NUDCD1: variants seen among roughly 807,000 people sequenced by gnomAD.
NUDCD1 encodes the protein NudC domain containing 1.
A neutral mutation model predicts 67.8 loss-of-function variants in NUDCD1; 60 were observed. The ratio of observed to expected loss-of-function variants is 0.88; its 90% CI spans 0.72 to 1.10. The LOEUF is 1.10. Among genes scored for constraint, NUDCD1 ranks in the 50% least tolerant of loss-of-function variants. The pLI is 0.00. For synonymous variants in NUDCD1, 244 were observed against 230.8 expected (o/e 1.06, Z -0.52); for missense variants, 643 against 695.0 (o/e 0.93, Z 0.84).
chr8:109,333,764 G>GT (rs1022880402), intron 1 of NUDCD1, 129 bp downstream of exon 1: 30 of 975,060 alleles, frequency 3.1e-5, no homozygotes, highest in Non-Finnish European at 3.7e-5. Flanking sequence ...AGCGGCCTCC[G>GT]TGAGTCCACG....
chr8:109,322,627 G>A (rs1256063412), intron 1 of NUDCD1, among the ~76,000 whole-genome samples, 164 bp from the exon 2 acceptor site: 1 of 152,080 alleles, frequency 6.6e-6, no homozygotes, highest in Non-Finnish European at 1.5e-5. Flanking sequence ...TCTGGGTACT[G>A]TGTACAGAGG....
At chr8:109,319,140 A>AT (rs1312718310) in intron 2 of NUDCD1, among the ~76,000 whole-genome samples, 1 of 151,588 alleles carries the variant, frequency 6.6e-6, no homozygotes, top group Non-Finnish European at 1.5e-5. Context: ...CGCCTGGCTA[A>AT]TTTTTTGTAT....
intron 2 of NUDCD1, among the ~76,000 whole-genome samples, chr8:109,300,268 A>G (rs1814953879): frequency 6.6e-6 from 1 of 152,194 alleles, no homozygotes; most frequent in Non-Finnish European, 1.5e-5. Context: ...GATTTACCTG[A>G]AAAAGAATTC....
chr8:109,325,989 C>T (rs865780181), intron 1 of NUDCD1, among the ~76,000 whole-genome samples: 12 of 152,190 alleles, frequency 7.9e-5, no homozygotes, highest in Non-Finnish European at 1.5e-4. Context: ...ATTTTATAAG[C>T]AACAGTTAGA....
intron 8 of NUDCD1, among the ~76,000 whole-genome samples, chr8:109,257,649 C>T (rs1428425514): frequency 1.3e-5 from 2 of 152,038 alleles, no homozygotes; most frequent in East Asian, 3.8e-4. Flanking sequence ...AAGACTAACA[C>T]CATCTGAACG....
At chr8:109,281,818 C>G (rs1043823877) in intron 5 of NUDCD1, among the ~76,000 whole-genome samples, 6 of 152,246 alleles carry the variant, frequency 3.9e-5, no homozygotes, top group African/African-American at 1.4e-4. Context: ...TGTTGGGGGG[C>G]CCTCTCTGCT....
intron 9 of NUDCD1, 57 bp downstream of exon 9, chr8:109,245,261 TTAAA>T: frequency 6.8e-7 from 1 of 1,478,658 alleles, no homozygotes; most frequent in Non-Finnish European, 9.3e-7. Flanking sequence ...GAAATGAACT[TTAAA>T]TGAATGATGA....
intron 5 of NUDCD1, among the ~76,000 whole-genome samples, chr8:109,281,871 C>T (rs1272789742): frequency 1.3e-5 from 2 of 152,126 alleles, no homozygotes; most frequent in Non-Finnish European, 2.9e-5. Context: ...CACCTGTTTG[C>T]CTGTTTCAAC....
At chr8:109,256,325 A>G (rs1045096884) in intron 8 of NUDCD1, among the ~76,000 whole-genome samples, 15 of 152,224 alleles carry the variant, frequency 9.9e-5, no homozygotes, top group South Asian at 6.2e-4. Context: ...ATCAAGTTAG[A>G]AGATCAAGAA....
intron 6 of NUDCD1, among the ~76,000 whole-genome samples, chr8:109,280,527 TGAG>T (rs1255240872): frequency 4.6e-5 from 7 of 152,160 alleles, no homozygotes; most frequent in African/African-American, 1.7e-4. Context: ...ACACTGATTG[TGAG>T]GAGTGGGAGG....
chr8:109,260,789 G>A (rs945400440), intron 8 of NUDCD1, among the ~76,000 whole-genome samples: 1 of 151,518 alleles, frequency 6.6e-6, no homozygotes, highest in Non-Finnish European at 1.5e-5. Flanking sequence ...CACATAAATT[G>A]CAATATTTGC....
In NUDCD1 at chr8:109,268,624, G is replaced by A. The variant is rs140599808; in HGVS notation, c.1299+2381C>T. ...CTACGTTTAAACCACAGCATTTTAT[G>A]ACACCTAAGATATAGCTGCCTTCAA... On this transcript the variant is annotated intron_variant, in intron 8 of 9. Coordinates refer to ENST00000239690, the MANE Select transcript of NUDCD1 (RefSeq NM_032869.4). Among the ~76,000 whole-genome samples the A allele has an allele frequency of 2.0e-4, 31 of 152,254 alleles. 2 individuals are homozygous for A. In the East Asian group the frequency reaches 5.8e-3, roughly 28 times the overall value.
intron 2 of NUDCD1, among the ~76,000 whole-genome samples, chr8:109,307,641 T>C (rs1300172465): frequency 2.6e-5 from 4 of 152,152 alleles, no homozygotes; most frequent in African/African-American, 9.7e-5. Flanking sequence ...TACATCTCAA[T>C]ACTAACATTG....
intron 5 of NUDCD1, among the ~76,000 whole-genome samples, chr8:109,283,884 C>T (rs149163043): frequency 0.033 from 4,954 of 151,488 alleles, 103 homozygotes; most frequent in Middle Eastern, 0.11. Context: ...ACAAAGCAAT[C>T]AGTAACAACT....
intron 8 of NUDCD1, among the ~76,000 whole-genome samples, chr8:109,261,878 C>A (rs1813870048): frequency 6.6e-6 from 1 of 152,118 alleles, no homozygotes; most frequent in Admixed American, 6.5e-5. Context: ...CAGGGCCTCA[C>A]TATGTACTAG....
chr8:109,316,597 T>C (rs1322840690), intron 2 of NUDCD1: 1 of 152,210 alleles, frequency 6.6e-6, no homozygotes, highest in Non-Finnish European at 1.5e-5. Flanking sequence ...AATAGTCTAG[T>C]TAGTGGTCAA....
Position 109,289,350 on chromosome 8 carries a change from AACTT to A in NUDCD1, c.823+397_823+400del. Reference sequence around the variant, plus strand: ...AAATTATGTGATTCTGCCCTCAAGGAACTTACTTTCAGTTTAGTATAAAAGGTAA... The same window carrying A: ...AAATTATGTGATTCTGCCCTCAAGGAACTTTCAGTTTAGTATAAAAGGTAA... On this transcript the variant is annotated intron_variant, in intron 5 of 9. Transcript: ENST00000239690. Among the ~76,000 whole-genome samples, 14 of 152,262 alleles carry A rather than the reference AACTT, an allele frequency of 9.2e-5. 3 individuals carry two copies. Among genetic ancestry groups the A allele is most frequent in the Admixed American group, 9.2e-4 (14 of 15,286 alleles).
chr8:109,268,128 C>T (rs1814047058), intron 8 of NUDCD1, among the ~76,000 whole-genome samples: 1 of 152,160 alleles, frequency 6.6e-6, no homozygotes, highest in African/African-American at 2.4e-5. Context: ...ATATATTGGA[C>T]TTCTTCCCCA....
At chr8:109,310,340 G>A (rs939314175) in intron 2 of NUDCD1, among the ~76,000 whole-genome samples, 23 of 152,006 alleles carry the variant, frequency 1.5e-4, no homozygotes, top group African/African-American at 3.6e-4. Context: ...ACTAATCTTC[G>A]ACAAAGCAAA....
Sources: allele counts gnomAD v4.1 joint callset (sites outside exome capture counted in the v4.1 genomes callset), GRCh38; gene constraint gnomAD v4.1.1; transcripts MANE v1.5; gene names NCBI Gene and HGNC (gene_info 2026-07-23, HGNC 2026-07-21).